ANGPT1: variants seen among roughly 807,000 people sequenced by gnomAD.
The protein encoded by ANGPT1 is angiopoietin 1.
A neutral mutation model predicts 62.2 loss-of-function variants in ANGPT1; 17 were observed. That is an observed-to-expected ratio of 0.27 (90% CI 0.19 to 0.41). The LOEUF is 0.41. Ranked by LOEUF, ANGPT1 falls within the 10% of genes least tolerant of loss-of-function variation. ANGPT1 has a pLI of 1.00. For synonymous variants in ANGPT1, 199 were observed against 198.9 expected (o/e 1.00, Z 0.00); for missense variants, 478 against 594.9 (o/e 0.80, Z 2.04).
At chr8:107,306,773 C>A (rs1814728083) in intron 4 of ANGPT1, among the ~76,000 whole-genome samples, 1 of 151,916 alleles carries the variant, frequency 6.6e-6, no homozygotes. Flanking sequence ...GGGCCAAGAG[C>A]AGTGGCTCAC....
intron 8 of ANGPT1, among the ~76,000 whole-genome samples, chr8:107,260,881 C>A (rs1813475076): frequency 1.3e-5 from 2 of 152,156 alleles, no homozygotes; most frequent in Admixed American, 1.3e-4. Flanking sequence ...GAAGTTCAAT[C>A]ATTTAAAGCA....
chr8:107,337,321 A>C (rs1174127480), intron 2 of ANGPT1, among the ~76,000 whole-genome samples: 1 of 152,180 alleles, frequency 6.6e-6, no homozygotes, highest in Non-Finnish European at 1.5e-5. Flanking sequence ...TCATCCTTTC[A>C]ACACCACTAT....
Position 107,288,533 on chromosome 8 carries a change from G to A in ANGPT1, c.1039-3685C>T, listed in dbSNP as rs186381809. ...AAAAATACAGATGGTTAGGTCCCCC[G>A]TGAAGATTCTGATTCAGTATGTCTG... On this transcript the variant is annotated intron_variant, in intron 6 of 8. Transcript: ENST00000517746. 3.9e-3 allele frequency among the ~76,000 whole-genome samples: 593 copies of A among 152,192 alleles called. 2 individuals carry two copies. The highest frequency in any genetic ancestry group is 6.8e-3 in the Non-Finnish European group (460 of 67,988).
chr8:107,251,678 T>A lies in ANGPT1; in HGVS notation c.*177A>T, dbSNP rs1403778681. On this transcript the variant is annotated 3_prime_UTR_variant, in exon 9 of 9. Transcript: ENST00000517746. ...CACTGTCACCCCAAGTAGAGACTCT[T>A]GTGAACTCAAACGGCTCCAGATTCA... 4.1e-6 allele frequency: 3 copies of A among 736,538 alleles called. No individual in the cohort carries two copies. In the African/African-American group the frequency reaches 5.3e-5, roughly 13 times the overall value. 45.6% of individuals were successfully genotyped at this position (736,538 alleles called of 1,614,324 possible).
intron 1 of ANGPT1, among the ~76,000 whole-genome samples, chr8:107,418,580 T>A (rs1464234712): frequency 6.6e-6 from 1 of 152,206 alleles, no homozygotes; most frequent in Non-Finnish European, 1.5e-5. Context: ...GTGCAATATT[T>A]GCTGATATAT....
intron 3 of ANGPT1, among the ~76,000 whole-genome samples, chr8:107,330,456 A>G (rs1815394595): frequency 6.6e-6 from 1 of 152,172 alleles, no homozygotes; most frequent in Non-Finnish European, 1.5e-5. Flanking sequence ...AAGTCTGCAA[A>G]AGTAAGATTA....
intron 1 of ANGPT1, among the ~76,000 whole-genome samples, chr8:107,395,233 T>A (rs1283668): frequency 2.0e-5 from 3 of 152,096 alleles, no homozygotes; most frequent in South Asian, 4.1e-4. Context: ...GGGATAGGAC[T>A]GGACTCCATG....
intron 1 of ANGPT1, among the ~76,000 whole-genome samples, chr8:107,432,291 A>G (rs1811208750): frequency 6.6e-6 from 1 of 152,214 alleles, no homozygotes; most frequent in African/African-American, 2.4e-5. Flanking sequence ...TATAAGAGTC[A>G]GGTAAGACAA....
intron 7 of ANGPT1, among the ~76,000 whole-genome samples, chr8:107,278,939 G>A (rs1011377980): frequency 5.9e-5 from 9 of 152,050 alleles, no homozygotes; most frequent in East Asian, 3.9e-4. Flanking sequence ...CCTTATTTCC[G>A]TAAGACTCAT....
intron 1 of ANGPT1, among the ~76,000 whole-genome samples, chr8:107,397,153 T>C (rs1185904737): frequency 6.6e-6 from 1 of 152,210 alleles, no homozygotes; most frequent in Non-Finnish European, 1.5e-5. Context: ...AAGGAACATG[T>C]CATTACTTTG....
At chr8:107,324,215 A>ATGTATATATATG (rs1554582627) in intron 3 of ANGPT1, among the ~76,000 whole-genome samples, 4 of 144,772 alleles carry the variant, frequency 2.8e-5, no homozygotes, top group African/African-American at 7.9e-5. Context: ...GTATATATAT[A>ATGTATATATATG]TGTGTGTGTG....
chr8:107,446,487 A>G (rs1426837583), intron 1 of ANGPT1, among the ~76,000 whole-genome samples: 3 of 152,208 alleles, frequency 2.0e-5, no homozygotes, highest in African/African-American at 7.2e-5. Flanking sequence ...TCTTGGGGCT[A>G]TCAGGAAAAT....
chr8:107,310,523 A>G (rs1233923598), intron 4 of ANGPT1, among the ~76,000 whole-genome samples: 1 of 152,188 alleles, frequency 6.6e-6, no homozygotes, highest in African/African-American at 2.4e-5. Flanking sequence ...TAAGTCTGAA[A>G]GGGTACAGCC....
intron 1 of ANGPT1, among the ~76,000 whole-genome samples, chr8:107,407,783 G>A (rs542696449): frequency 1.3e-5 from 2 of 152,172 alleles, no homozygotes; most frequent in South Asian, 2.1e-4. Flanking sequence ...TACGAGAGGC[G>A]GTGTGTATGC....
At chr8:107,456,609 A>C (rs1811926116) in intron 1 of ANGPT1, among the ~76,000 whole-genome samples, 1 of 152,060 alleles carries the variant, frequency 6.6e-6, no homozygotes, top group Non-Finnish European at 1.5e-5. Flanking sequence ...AGCAAAGGGG[A>C]AGGTGAAACG....
Position 107,447,894 on chromosome 8 carries a change from C to G in ANGPT1, c.297+49368G>C, listed in dbSNP as rs1031894785. Among the ~76,000 whole-genome samples, 4 of 152,262 alleles carry G rather than the reference C, an allele frequency of 2.6e-5. No homozygotes were observed. In the South Asian group the frequency reaches 8.3e-4, roughly 32 times the overall value. On this transcript the variant is annotated intron_variant, in intron 1 of 8. Coordinates refer to ENST00000517746, the MANE Select transcript of ANGPT1 (RefSeq NM_001146.5). The stretch of plus-strand genomic sequence containing the variant: ...AGTAAGTTTACGCAAAGGATTTGAG[C>G]AAGGGATTTTGAAGGTTAACACAAT...
rs530645920 is a variant in ANGPT1, at chr8:107,311,526, C to T, written c.809-8159G>A. Among the ~76,000 whole-genome samples the T allele has an allele frequency of 7.0e-4, 106 of 152,134 alleles. 1 individual carries two copies. The highest frequency in any genetic ancestry group is 2.3e-3 in the African/African-American group (96 of 41,510). ...GATATACAAATTTTCAATAATACTA[C>T]GATATACATAAGACATACAAACTCT... On this transcript the variant is annotated intron_variant, in intron 4 of 8. Coordinates refer to ENST00000517746, the MANE Select transcript of ANGPT1 (RefSeq NM_001146.5).
chr8:107,448,705 A>G (rs1042954742), intron 1 of ANGPT1, among the ~76,000 whole-genome samples: 4 of 152,174 alleles, frequency 2.6e-5, no homozygotes, highest in African/African-American at 9.6e-5. Flanking sequence ...TATACCCCAA[A>G]TCAGGATTAT....
chr8:107,264,397 T>C, intron 7 of ANGPT1, 46 bp from the exon 8 acceptor site: 1 of 1,594,282 alleles, frequency 6.3e-7, no homozygotes, highest in Non-Finnish European at 8.5e-7. Context: ...TTCGACAGAA[T>C]AACAGAACCC....
Sources: allele counts gnomAD v4.1 joint callset (sites outside exome capture counted in the v4.1 genomes callset), GRCh38; gene constraint gnomAD v4.1.1; transcripts MANE v1.5; gene names NCBI Gene and HGNC (gene_info 2026-07-23, HGNC 2026-07-21).